The following VAT1L variants were observed in gnomAD, a reference collection of about 807,000 sequenced individuals.
VAT1L encodes the protein putative NADPH-dependent quinone oxidoreductase VAT1L.
Under a neutral mutation model 44.1 loss-of-function variants are expected in VAT1L, and 34 were observed. The ratio of observed to expected loss-of-function variants is 0.77; its 90% CI spans 0.59 to 1.03. The LOEUF is 1.03. Among genes scored for constraint, VAT1L ranks in the 50% least tolerant of loss-of-function variants. The pLI is 0.00. For missense variants in VAT1L, 615 were observed against 538.8 expected, an observed-to-expected ratio of 1.14 and a Z score of -1.40; for synonymous variants, 253 against 202.2, an observed-to-expected ratio of 1.25 and a Z score of -2.13.
intron 1 of VAT1L, among the ~76,000 whole-genome samples, chr16:77,804,370 C>G (rs1567469346): frequency 6.6e-6 from 1 of 152,114 alleles, no homozygotes; most frequent in Non-Finnish European, 1.5e-5. Flanking sequence ...TGTTTTGGAC[C>G]CTTTCGGACC....
At chr16:77,972,825 A>T (rs997089021) in intron 8 of VAT1L, among the ~76,000 whole-genome samples, 1 of 149,768 alleles carries the variant, frequency 6.7e-6, no homozygotes, top group African/African-American at 2.4e-5. Flanking sequence ...ATAATGTAAA[A>T]TATAAATAAA....
intron 7 of VAT1L, among the ~76,000 whole-genome samples, chr16:77,909,519 C>T (rs577923016): frequency 4.0e-5 from 6 of 151,732 alleles, no homozygotes; most frequent in South Asian, 2.1e-4. Flanking sequence ...TGCCTCTAAT[C>T]CCAGCTACTT....
intron 7 of VAT1L, among the ~76,000 whole-genome samples, chr16:77,943,443 G>A (rs544283671): frequency 1.6e-4 from 21 of 127,588 alleles, no homozygotes; most frequent in Middle Eastern, 5.4e-3. Flanking sequence ...GTAGTTTCCC[G>A]GGCTGGAGTG....
chr16:77,963,976 G>A (rs1359115591), intron 7 of VAT1L, among the ~76,000 whole-genome samples: 9 of 152,042 alleles, frequency 5.9e-5, no homozygotes, highest in Non-Finnish European at 1.3e-4. Context: ...GGCTGGTTAG[G>A]GACTTCAAGA....
chr16:77,892,498 AGAC>A, intron 7 of VAT1L: 1 of 548,800 alleles, frequency 1.8e-6, no homozygotes, highest in Admixed American at 1.9e-5. Flanking sequence ...AGCTGTTTGC[AGAC>A]AAGTTTCCAA....
intron 7 of VAT1L, among the ~76,000 whole-genome samples, chr16:77,904,027 T>C (rs529480937): frequency 2.0e-5 from 3 of 152,098 alleles, no homozygotes; most frequent in Non-Finnish European, 2.9e-5. Flanking sequence ...TGAGCCACTG[T>C]GCCTGGCCCT....
At chr16:77,851,316 G>A (rs566427980) in intron 3 of VAT1L, among the ~76,000 whole-genome samples, 32 of 152,246 alleles carry the variant, frequency 2.1e-4, no homozygotes, top group Admixed American at 7.8e-4. Flanking sequence ...TTAGTAAACC[G>A]AAGACCATAA....
chr16:77,943,380 CTTTTT>C (rs773527946), intron 7 of VAT1L, among the ~76,000 whole-genome samples: 1 of 125,868 alleles, frequency 7.9e-6, no homozygotes, highest in Non-Finnish European at 1.6e-5. Flanking sequence ...CTTTTTCTTT[CTTTTT>C]TTTTTTTTTT....
intron 1 of VAT1L, among the ~76,000 whole-genome samples, chr16:77,796,189 A>C (rs187474929): frequency 4.9e-4 from 74 of 152,232 alleles, no homozygotes; most frequent in Non-Finnish European, 9.4e-4. Flanking sequence ...ACCTTATAGA[A>C]CATTCGACAT....
intron 3 of VAT1L, among the ~76,000 whole-genome samples, chr16:77,846,626 A>C (rs1241153572): frequency 6.6e-6 from 1 of 152,206 alleles, no homozygotes; most frequent in African/African-American, 2.4e-5. Flanking sequence ...TGAAACTTAG[A>C]ATCAAAGATA....
intron 7 of VAT1L, among the ~76,000 whole-genome samples, chr16:77,898,756 T>C (rs2017350402): frequency 6.6e-6 from 1 of 152,234 alleles, no homozygotes; most frequent in Admixed American, 6.5e-5. Flanking sequence ...GTGCTACTGC[T>C]GTGCTGCAAA....
intron 7 of VAT1L, among the ~76,000 whole-genome samples, chr16:77,897,648 A>AT (rs1285230133): frequency 1.3e-5 from 2 of 151,912 alleles, no homozygotes; most frequent in East Asian, 1.9e-4. Flanking sequence ...TAATTTTTGT[A>AT]TTTTTTAGCA....
chr16:77,922,534 G>C (rs917877817), intron 7 of VAT1L, among the ~76,000 whole-genome samples: 3 of 152,150 alleles, frequency 2.0e-5, no homozygotes, highest in Non-Finnish European at 4.4e-5. Context: ...TCAGCGGCTT[G>C]TCACAGCTGG....
chr16:77,875,529 G>T (rs557956290), intron 4 of VAT1L, among the ~76,000 whole-genome samples: 1 of 152,300 alleles, frequency 6.6e-6, no homozygotes, highest in South Asian at 2.1e-4. Context: ...GAGTCTTCCT[G>T]TTCTACAGCC....
intron 3 of VAT1L, among the ~76,000 whole-genome samples, chr16:77,838,858 T>A (rs527799887): frequency 3.3e-5 from 5 of 151,828 alleles, no homozygotes; most frequent in Non-Finnish European, 5.9e-5. Context: ...CTCCTTCTCT[T>A]TCTCCCCTTT....
intron 1 of VAT1L, among the ~76,000 whole-genome samples, chr16:77,791,445 A>G (rs2015833655): frequency 6.6e-6 from 1 of 152,204 alleles, no homozygotes; most frequent in Non-Finnish European, 1.5e-5. Flanking sequence ...ATTTTATATC[A>G]TGGACCCTTT....
chr16:77,930,376 C>T (rs1360463476), intron 7 of VAT1L, among the ~76,000 whole-genome samples: 2 of 152,178 alleles, frequency 1.3e-5, no homozygotes, highest in Non-Finnish European at 2.9e-5. Context: ...TCCACCTACC[C>T]CATCCATTGA....
At chr16:77,967,781 G>C (rs1260878576) in intron 7 of VAT1L, among the ~76,000 whole-genome samples, 1 of 152,184 alleles carries the variant, frequency 6.6e-6, no homozygotes, top group Non-Finnish European at 1.5e-5. Context: ...TCTCCAAGGA[G>C]TTTTCAGATG....
At chr16:77,957,140 C>T (rs930664030) in intron 7 of VAT1L, among the ~76,000 whole-genome samples, 11 of 152,166 alleles carry the variant, frequency 7.2e-5, no homozygotes, top group Non-Finnish European at 1.5e-4. Flanking sequence ...GCTGTCATCC[C>T]TTTCAAAGAT....
Sources: gnomAD v4.1 joint callset for allele counts (sites outside exome capture counted in the v4.1 genomes callset) on GRCh38, gnomAD v4.1.1 for gene constraint, MANE v1.5 for transcripts, NCBI Gene and HGNC (gene_info 2026-07-23, HGNC 2026-07-21) for gene names.